The following STARD13 variants were observed in gnomAD, a reference collection of about 807,000 sequenced individuals.
The protein encoded by STARD13 is StAR related lipid transfer domain containing 13, also known as stAR-related lipid transfer protein 13.
In STARD13, 62 loss-of-function variants were observed where a neutral mutation model predicts 106.4. The ratio of observed to expected loss-of-function variants is 0.58; its 90% CI spans 0.48 to 0.72. The LOEUF is 0.72. Ranked by LOEUF, STARD13 falls within the 30% of genes least tolerant of loss-of-function variation. The pLI is 0.00. For synonymous variants in STARD13, 565 were observed against 553.0 expected, an observed-to-expected ratio of 1.02 and a Z score of -0.31; for missense variants, 1,387 against 1,424.0, an observed-to-expected ratio of 0.97 and a Z score of 0.42.
the STARD13 span, among the ~76,000 whole-genome samples, chr13:33,457,358 C>T: frequency 6.6e-6 from 1 of 152,328 alleles, no homozygotes; most frequent in East Asian, 1.9e-4. Flanking sequence ...TGATATTCCT[C>T]TCTAAAGGAT....
At chr13:33,108,658 A>G (rs1285964441) in intron 12 of STARD13, among the ~76,000 whole-genome samples, 1 of 152,216 alleles carries the variant, frequency 6.6e-6, no homozygotes, top group Admixed American at 6.5e-5. Flanking sequence ...GGAACGAAGC[A>G]CTGATAAATA....
chr13:33,492,740 A>C, the STARD13 span, among the ~76,000 whole-genome samples: 1 of 152,226 alleles, frequency 6.6e-6, no homozygotes, highest in Non-Finnish European at 1.5e-5. Context: ...GGCAACCAGC[A>C]GCCCTTGGGG....
chr13:33,139,090 T>A (rs1311605024), intron 4 of STARD13, among the ~76,000 whole-genome samples: 1 of 152,150 alleles, frequency 6.6e-6, no homozygotes, highest in Non-Finnish European at 1.5e-5. Context: ...ATAAATAAAT[T>A]GTGGACTTTA....
chr13:33,258,681 AC>A (rs1890489567), intron 1 of STARD13, among the ~76,000 whole-genome samples: 1 of 152,246 alleles, frequency 6.6e-6, no homozygotes, highest in Non-Finnish European at 1.5e-5. Context: ...AGAGCCACAA[AC>A]CCTTTTATGG....
At chr13:33,650,267 T>C in the STARD13 span, among the ~76,000 whole-genome samples, 1 of 129,082 alleles carries the variant, frequency 7.7e-6, no homozygotes, top group African/African-American at 3.0e-5. Context: ...CTCTGCTCAC[T>C]GCAAGCTCCG....
the STARD13 span, among the ~76,000 whole-genome samples, chr13:33,656,124 A>T: frequency 1.3e-5 from 2 of 152,146 alleles, no homozygotes; most frequent in Non-Finnish European, 2.9e-5. Flanking sequence ...TATTCTAATG[A>T]TTTTTTAAAA....
chr13:33,110,814 C>T lies in STARD13; in HGVS notation c.2701G>A (p.Glu901Lys), dbSNP rs150167709. The T allele has an allele frequency of 3.7e-6, 6 of 1,614,086 alleles. No homozygotes were observed. The highest frequency in any genetic ancestry group is 5.1e-6 in the Non-Finnish European group (6 of 1,180,048). ...TLEELGTQLE[E>K]SGATFHTYLN... is the part of the protein sequence containing the mutation. ...TAAGTGTGGAAAGTTGCCCCACTCTCCTCCAGCTGTGTCCCCAATTCTTCC... is the reference window on the plus strand; with the variant it reads ...TAAGTGTGGAAAGTTGCCCCACTCTTCTCCAGCTGTGTCCCCAATTCTTCC... The change falls in exon 11 of 14, where the codon GAG becomes AAG. Residue 901 changes from glutamate to lysine, a missense_variant. Physicochemically the swap from Glu to Lys is moderately conservative, Grantham distance 56. Transcript: ENST00000336934.
At chr13:33,466,411 A>T in the STARD13 span, among the ~76,000 whole-genome samples, 1 of 152,186 alleles carries the variant, frequency 6.6e-6, no homozygotes, top group Non-Finnish European at 1.5e-5. Flanking sequence ...AAATATCAAC[A>T]TATGACTAGT....
At chr13:33,517,603 G>C in the STARD13 span, among the ~76,000 whole-genome samples, 1 of 152,066 alleles carries the variant, frequency 6.6e-6, no homozygotes, top group Admixed American at 6.6e-5. Flanking sequence ...AGTGCATAAA[G>C]GTTCCTCTGA....
At chr13:33,429,870 C>T in the STARD13 span, among the ~76,000 whole-genome samples, 1 of 151,222 alleles carries the variant, frequency 6.6e-6, no homozygotes, top group Non-Finnish European at 1.5e-5. Context: ...ACAGGGTGTG[C>T]CATAATAACC....
chr13:33,254,246 C>T (rs936864027), intron 1 of STARD13, among the ~76,000 whole-genome samples: 2 of 152,192 alleles, frequency 1.3e-5, no homozygotes, highest in Admixed American at 6.5e-5. Context: ...ATAATTTGTA[C>T]ACCTCAACAG....
the STARD13 span, among the ~76,000 whole-genome samples, chr13:33,406,476 T>C: frequency 2.0e-4 from 30 of 152,338 alleles, no homozygotes; most frequent in Non-Finnish European, 3.4e-4. Context: ...TGCAAGCTTC[T>C]AGTCAACTAA....
the STARD13 span, among the ~76,000 whole-genome samples, chr13:33,494,145 C>T: frequency 5.0e-4 from 76 of 152,272 alleles, no homozygotes; most frequent in Non-Finnish European, 6.6e-4. Context: ...AGAGCAGATG[C>T]TTCCTTCCCA....
At chr13:33,163,349 G>A (rs143466590) in intron 3 of STARD13, among the ~76,000 whole-genome samples, 1,634 of 152,000 alleles carry the variant, frequency 0.011, 24 homozygotes, top group African/African-American at 0.038. Flanking sequence ...CACTTTGGGA[G>A]GCTGAGGTGA....
the STARD13 span, among the ~76,000 whole-genome samples, chr13:33,597,000 G>A: frequency 6.6e-6 from 1 of 152,066 alleles, no homozygotes; most frequent in South Asian, 2.1e-4. Context: ...ATAACTATAG[G>A]GGTTCAGGTA....
chr13:33,501,761 T>C, the STARD13 span, among the ~76,000 whole-genome samples: 4 of 151,858 alleles, frequency 2.6e-5, no homozygotes, highest in Non-Finnish European at 4.4e-5. Flanking sequence ...TTTGGTACCA[T>C]GCTGTTTTGG....
chr13:33,504,611 G>C, the STARD13 span, among the ~76,000 whole-genome samples: 2 of 121,474 alleles, frequency 1.6e-5, no homozygotes, highest in Middle Eastern at 5.0e-3. Context: ...GTCATGGGGT[G>C]GGGGGAGGGG....
chr13:33,541,612 G>A, the STARD13 span, among the ~76,000 whole-genome samples: 19 of 152,296 alleles, frequency 1.2e-4, no homozygotes, highest in East Asian at 3.7e-3. Context: ...GCCCACTGCT[G>A]TTTCTTTCAA....
At chr13:33,179,443 A>G (rs1299371149) in intron 1 of STARD13, among the ~76,000 whole-genome samples, 1 of 152,214 alleles carries the variant, frequency 6.6e-6, no homozygotes, top group African/African-American at 2.4e-5. Flanking sequence ...ATTTGCTACT[A>G]TTACTAGGGC....
Sources: allele counts gnomAD v4.1 joint callset (sites outside exome capture counted in the v4.1 genomes callset), GRCh38; gene constraint gnomAD v4.1.1; transcripts MANE v1.5; gene names NCBI Gene and HGNC (gene_info 2026-07-23, HGNC 2026-07-21).